Variants in ADGRG7 observed in about 807,000 individuals in gnomAD.
ADGRG7 encodes G-protein coupled receptor 128.
Under a neutral mutation model 88.6 loss-of-function variants are expected in ADGRG7, and 82 were observed. That is an observed-to-expected ratio of 0.93 (90% CI 0.77 to 1.11). The LOEUF (loss-of-function observed/expected upper bound fraction) is 1.11, where lower values mean the gene tolerates loss of function less well. ADGRG7 is among the 50% of genes most tolerant of loss of function. The pLI, the probability that ADGRG7 is intolerant of heterozygous loss-of-function variation, is 0.00. For synonymous variants in ADGRG7, 381 were observed against 345.2 expected (o/e 1.10, Z -1.15); for missense variants, 945 against 953.4 (o/e 0.99, Z 0.12).
At chr3:100,627,294 T>C (rs924683389) in intron 1 of ADGRG7, among the ~76,000 whole-genome samples, 1 of 152,230 alleles carries the variant, frequency 6.6e-6, no homozygotes, top group Non-Finnish European at 1.5e-5. Flanking sequence ...ATGCTTTTTG[T>C]CTCCTGCATT....
intron 15 of ADGRG7, among the ~76,000 whole-genome samples, chr3:100,673,573 T>C (rs2094961372): frequency 6.6e-6 from 1 of 151,990 alleles, no homozygotes; most frequent in Non-Finnish European, 1.5e-5. Flanking sequence ...GAGATTCTCC[T>C]GCCTCAGCCT....
At chr3:100,665,462 C>G (rs2094950539) in intron 14 of ADGRG7, 1 of 533,404 alleles carries the variant, frequency 1.9e-6, no homozygotes, top group Non-Finnish European at 3.8e-6. Context: ...TCAAAACCAC[C>G]AAAGACTCAC....
At chr3:100,614,620 A>T (rs1337992753) in intron 1 of ADGRG7, among the ~76,000 whole-genome samples, 1 of 152,198 alleles carries the variant, frequency 6.6e-6, no homozygotes, top group Non-Finnish European at 1.5e-5. Flanking sequence ...GACAAATGAG[A>T]GATGCCTGGA....
intron 6 of ADGRG7, among the ~76,000 whole-genome samples, chr3:100,638,803 A>T (rs549199740): frequency 4.6e-5 from 7 of 151,956 alleles, no homozygotes; most frequent in Non-Finnish European, 8.8e-5. Context: ...TTGTATTAAA[A>T]CTCATGTACT....
intron 13 of ADGRG7, among the ~76,000 whole-genome samples, chr3:100,657,597 T>C (rs1163292088): frequency 6.6e-6 from 1 of 152,220 alleles, no homozygotes; most frequent in Non-Finnish European, 1.5e-5. Context: ...TTTCAAGTAT[T>C]GTTTTTACAC....
intron 14 of ADGRG7, among the ~76,000 whole-genome samples, chr3:100,667,638 C>T (rs371535204): frequency 1.1e-4 from 16 of 152,096 alleles, no homozygotes; most frequent in African/African-American, 2.4e-4. Flanking sequence ...AATAAACATA[C>T]GTGTGCATAT....
At chr3:100,684,853 T>C (rs1296054308) in intron 15 of ADGRG7, among the ~76,000 whole-genome samples, 1 of 152,118 alleles carries the variant, frequency 6.6e-6, no homozygotes, top group East Asian at 1.9e-4. Context: ...AAACAATAGA[T>C]ATTGATTCCT....
chr3:100,671,410 T>C (rs2094958300), intron 15 of ADGRG7, among the ~76,000 whole-genome samples: 1 of 152,218 alleles, frequency 6.6e-6, no homozygotes, highest in Admixed American at 6.5e-5. Context: ...TTTGTTTTAT[T>C]CTTGTAAATT....
chr3:100,645,302 C>T (rs535200636), intron 8 of ADGRG7, among the ~76,000 whole-genome samples: 1 of 152,210 alleles, frequency 6.6e-6, no homozygotes, highest in Non-Finnish European at 1.5e-5. Flanking sequence ...CAGCTGATTC[C>T]TTTTTCCAAT....
chr3:100,636,648 A>AG lies in ADGRG7; in HGVS notation c.598-654_598-653insG, dbSNP rs1707547364. ...TCCCTTTAAATGTTTTGTTTCAGAAAAAAAAAATTGAAATATTTTTCCTGC... is the reference window on the plus strand; with the variant it reads ...TCCCTTTAAATGTTTTGTTTCAGAAAGAAAAAAATTGAAATATTTTTCCTGC... On this transcript the variant is annotated intron_variant, in intron 5 of 15. Transcript: ENST00000273352. 5.3e-5 allele frequency among the ~76,000 whole-genome samples: 8 copies of AG among 152,074 alleles called. No individual in the cohort carries two copies. In the South Asian group the frequency reaches 1.7e-3, roughly 32 times the overall value.
chr3:100,636,339 G>A (rs1707540766), intron 5 of ADGRG7, among the ~76,000 whole-genome samples: 1 of 152,200 alleles, frequency 6.6e-6, no homozygotes, highest in Non-Finnish European at 1.5e-5. Flanking sequence ...CAAGTAAATA[G>A]TGTTTCAAGA....
chr3:100,640,174 C>T (rs1411881971), intron 6 of ADGRG7, among the ~76,000 whole-genome samples: 2 of 152,196 alleles, frequency 1.3e-5, no homozygotes, highest in Non-Finnish European at 2.9e-5. Context: ...GGTCATCTCT[C>T]CACGAGAAGG....
At chr3:100,681,820 A>G (rs1305135265) in intron 15 of ADGRG7, among the ~76,000 whole-genome samples, 1 of 152,162 alleles carries the variant, frequency 6.6e-6, no homozygotes, top group Non-Finnish European at 1.5e-5. Context: ...AAGCACTCGC[A>G]CCCTACCAGG....
intron 1 of ADGRG7, among the ~76,000 whole-genome samples, chr3:100,615,906 C>A (rs950784375): frequency 2.0e-5 from 3 of 151,994 alleles, no homozygotes; most frequent in Admixed American, 2.0e-4. Flanking sequence ...AATACCTAAG[C>A]CTTGAGTAGG....
chr3:100,653,762 C>T (rs2094933215), intron 11 of ADGRG7, among the ~76,000 whole-genome samples: 1 of 152,054 alleles, frequency 6.6e-6, no homozygotes, highest in Non-Finnish European at 1.5e-5. Flanking sequence ...CTTTCTCCCT[C>T]TCCATACAGT....
At chr3:100,678,793 GCAAA>G (rs2094968989) in intron 15 of ADGRG7, among the ~76,000 whole-genome samples, 1 of 152,178 alleles carries the variant, frequency 6.6e-6, no homozygotes. Flanking sequence ...TTTCCTGCAA[GCAAA>G]CAGAGTGCCT....
chr3:100,643,548 T>TAGTTCA lies in ADGRG7; in HGVS notation c.863_868dup (p.Ser288_Ser289dup). 2 of 1,613,664 alleles carry TAGTTCA rather than the reference T, an allele frequency of 1.2e-6. No individual in the cohort carries two copies. The highest frequency in any genetic ancestry group is 1.7e-6 in the Non-Finnish European group (2 of 1,179,800). On this transcript the variant is annotated inframe_insertion, in exon 8 of 16. Transcript: ENST00000273352. The stretch of plus-strand genomic sequence containing the variant: ...TAGGAGCTAGCAGTTCTCTAGTTTC[T>TAGTTCA]AGTTCAACATTTATACATACAAATG...
intron 6 of ADGRG7, among the ~76,000 whole-genome samples, chr3:100,641,894 C>CA (rs911036342): frequency 1.9e-4 from 29 of 151,926 alleles, no homozygotes; most frequent in East Asian, 3.9e-4. Flanking sequence ...CAGCACTAAT[C>CA]AAAAAAAACC....
chr3:100,630,697 T>C lies in ADGRG7; in HGVS notation c.230-8T>C. The stretch of plus-strand genomic sequence containing the variant: ...TTTATAATAAAGAACTTTTTCTCTT[T>C]ATTACAGCTAATTTTTGTGAAAATA... On this transcript the variant is annotated splice_polypyrimidine_tract_variant and splice_region_variant and intron_variant, in intron 2 of 15. Coordinates refer to ENST00000273352, the MANE Select transcript of ADGRG7 (RefSeq NM_032787.3). 2 of 1,322,020 alleles carry C rather than the reference T, an allele frequency of 1.5e-6. No homozygotes were observed. The highest frequency in any genetic ancestry group is 2.0e-6 in the Non-Finnish European group (2 of 1,002,320). The allele number at this position is 1,322,020 out of a possible 1,614,324, so 81.9% of individuals were successfully genotyped here.
Sources: gnomAD v4.1 joint callset for allele counts (sites outside exome capture counted in the v4.1 genomes callset) on GRCh38, gnomAD v4.1.1 for gene constraint, MANE v1.5 for transcripts, NCBI Gene and HGNC (gene_info 2026-07-23, HGNC 2026-07-21) for gene names.